OTOGL: variants seen among roughly 807,000 people sequenced by gnomAD.
The protein encoded by OTOGL is otogelin like.
In OTOGL, 285 loss-of-function variants were observed where a neutral mutation model predicts 318.5. That is an observed-to-expected ratio of 0.89 (90% CI 0.81 to 0.99). The LOEUF is 0.99. OTOGL is among the 50% of genes least tolerant of loss of function. The probability of loss-of-function intolerance (pLI) is 0.00; values close to 1 mark genes in which losing one functional copy is unlikely to be tolerated. For synonymous variants in OTOGL, 987 were observed against 936.5 expected, an observed-to-expected ratio of 1.05 and a Z score of -0.99; for missense variants, 2,899 against 2,845.6, an observed-to-expected ratio of 1.02 and a Z score of -0.43.
At chr12:80,149,772 G>A (rs1433355703) in intron 1 of OTOGL, among the ~76,000 whole-genome samples, 1 of 152,230 alleles carries the variant, frequency 6.6e-6, no homozygotes, top group Non-Finnish European at 1.5e-5. Flanking sequence ...ATCTTGTGGT[G>A]CACCGTTTTT....
intron 44 of OTOGL, among the ~76,000 whole-genome samples, chr12:80,342,482 A>G (rs145068538): frequency 6.6e-6 from 1 of 152,358 alleles, no homozygotes; most frequent in East Asian, 1.9e-4. Flanking sequence ...AGACCAAGAC[A>G]GTGAGGCTTT....
In OTOGL at chr12:80,374,837, A is replaced by G. The variant is rs376510837; in HGVS notation, c.6782-2286A>G. On this transcript the variant is annotated intron_variant, in intron 57 of 58. Transcript: ENST00000547103. ...GTGACTAATCATATGAATGACCACT[A>G]TGGCCTGCCACACACTGACACTCTA... Among the ~76,000 whole-genome samples, 10 of 152,244 alleles carry G rather than the reference A, an allele frequency of 6.6e-5. No homozygotes were observed. The East Asian group carries it at 1.7e-3, about 26-fold the overall frequency.
At chr12:80,183,097 C>A (rs1489072552) in intron 1 of OTOGL, among the ~76,000 whole-genome samples, 1 of 152,146 alleles carries the variant, frequency 6.6e-6, no homozygotes, top group East Asian at 1.9e-4. Flanking sequence ...ATAATGCTTA[C>A]AATACAATTG....
At chr12:80,288,030 TG>T (rs1211627563) in intron 26 of OTOGL, among the ~76,000 whole-genome samples, 1 of 152,182 alleles carries the variant, frequency 6.6e-6, no homozygotes, top group Admixed American at 6.5e-5. Context: ...TTGCAGTGGC[TG>T]GTACTTGTTT....
Position 80,268,434 on chromosome 12 carries a change from C to T in OTOGL, c.2465+1107C>T, listed in dbSNP as rs12810247. ...GGAGTTAGTCCCAGGCAACCTGGCT[C>T]GGCAGTGCTTGTCTCCTGCCTACTT... is the stretch of plus-strand genomic sequence containing the variant. On this transcript the variant is annotated intron_variant, in intron 22 of 58. Coordinates refer to ENST00000547103, the MANE Select transcript of OTOGL (RefSeq NM_001378609.3). 7.3e-3 allele frequency among the ~76,000 whole-genome samples: 1,109 copies of T among 152,194 alleles called. 15 individuals are homozygous for T. The highest frequency in any genetic ancestry group is 0.024 in the African/African-American group (981 of 41,526).
At chr12:80,201,058 C>A (rs540429725) in intron 1 of OTOGL, among the ~76,000 whole-genome samples, 27 of 152,236 alleles carry the variant, frequency 1.8e-4, no homozygotes, top group African/African-American at 6.5e-4. Flanking sequence ...ATGCCACAAC[C>A]CTGTGGCACC....
intron 1 of OTOGL, among the ~76,000 whole-genome samples, chr12:80,183,227 G>A (rs1875051406): frequency 6.6e-6 from 1 of 152,200 alleles, no homozygotes; most frequent in South Asian, 2.1e-4. Flanking sequence ...GGAGATGACA[G>A]TCCTACTGAG....
chr12:80,349,538 G>A (rs1037340), intron 44 of OTOGL, among the ~76,000 whole-genome samples: 141,240 of 152,094 alleles, frequency 0.93, 65,653 homozygotes, highest in East Asian at 1. Context: ...AGATAGAAAG[G>A]CAATGGAGCG....
chr12:80,313,779 A>C, intron 31 of OTOGL, 147 bp downstream of exon 31: 2 of 649,296 alleles, frequency 3.1e-6, no homozygotes, highest in Non-Finnish European at 4.7e-6. Flanking sequence ...TTTGACAATC[A>C]TAAATTATAG....
At chr12:80,376,312 G>A (rs1891175385) in intron 57 of OTOGL, among the ~76,000 whole-genome samples, 1 of 152,012 alleles carries the variant, frequency 6.6e-6, no homozygotes, top group African/African-American at 2.4e-5. Flanking sequence ...TTTAAAATTG[G>A]GATATAAGTT....
In OTOGL at chr12:80,256,435, T is replaced by G; in HGVS notation, c.1686T>G (p.Ser562Arg). ...TLGRGGQILT[S>R]PNQGFNLNGI... ...GTAGGGGAGGACAAATTCTCACTAG[T>G]CCTAACCAAGGCTTCAACCTGAATG... The change falls in exon 17 of 59, where the codon AGT (serine) becomes AGG (arginine). Residue 562 changes from serine (S) to arginine (R), a missense_variant. Around this residue, in one of 3 missense-constraint regions of OTOGL, gnomAD observed 2,607 missense variants for 2,524.9 expected, o/e 1.03. Transcript: ENST00000547103. The G allele has an allele frequency of 1.3e-6, 2 of 1,585,822 alleles. No individual in the cohort carries two copies. Among genetic ancestry groups the G allele is most frequent in the Non-Finnish European group, 8.5e-7 (1 of 1,172,586 alleles).
At chr12:80,346,754 G>T (rs1296276791) in intron 44 of OTOGL, among the ~76,000 whole-genome samples, 1 of 152,160 alleles carries the variant, frequency 6.6e-6, no homozygotes, top group African/African-American at 2.4e-5. Flanking sequence ...AGCAAGTGAG[G>T]ACAGCAGCAC....
In OTOGL at chr12:80,124,756, C is replaced by A. The variant is rs527851114; in HGVS notation, c.-20+25151C>A. On this transcript the variant is annotated intron_variant, in intron 1 of 58. Transcript: ENST00000547103. ...TTCTCCTTGAAGAGGTCCTTCACAT[C>A]CCTTGTAAGTTGGATTCCTAGGTAT... Among the ~76,000 whole-genome samples, 25 of 152,052 alleles carry A rather than the reference C, an allele frequency of 1.6e-4. No individual in the cohort carries two copies. The South Asian group carries it at 5.2e-3, about 32-fold the overall frequency.
At chr12:80,191,160 G>A (rs1258715261) in intron 1 of OTOGL, among the ~76,000 whole-genome samples, 4 of 152,208 alleles carry the variant, frequency 2.6e-5, no homozygotes, top group Non-Finnish European at 4.4e-5. Flanking sequence ...GATACTGGCT[G>A]GGAGCAGTGG....
intron 1 of OTOGL, among the ~76,000 whole-genome samples, chr12:80,151,268 A>G (rs1314399863): frequency 6.6e-6 from 1 of 152,340 alleles, no homozygotes; most frequent in South Asian, 2.1e-4. Flanking sequence ...TAAGAGGCAA[A>G]CTAAGATTTG....
At chr12:80,143,255 C>T (rs1029553839) in intron 1 of OTOGL, among the ~76,000 whole-genome samples, 7 of 152,230 alleles carry the variant, frequency 4.6e-5, no homozygotes, top group Admixed American at 3.3e-4. Context: ...AAAGTAGATG[C>T]ACCCTGTTAA....
chr12:80,217,648 T>G lies in OTOGL; in HGVS notation c.219T>G (p.Gly73=). The G allele has an allele frequency of 6.5e-7, 1 of 1,549,238 alleles. No individual in the cohort carries two copies. Among genetic ancestry groups the G allele is most frequent in the East Asian group, 2.3e-5 (1 of 44,152 alleles). The change falls in exon 5 of 59, where the codon GGT becomes GGG. Residue 73 remains glycine (G), a synonymous_variant. Transcript: ENST00000547103. ...TTTTCCATGATGCTATTAATTGGGG[T>G]GAGAGCAAAATAAAAGGTCAGTGTT... ...RYFFHDAINW[G]ESKIKGSCPY... is the part of the protein sequence containing the mutation.
rs1565932309 is a variant in OTOGL, at chr12:80,254,586, G to GT, written c.1441+21dup. 5.6e-6 allele frequency: 9 copies of GT among 1,593,500 alleles called. No homozygotes were observed. In the East Asian group the frequency reaches 6.7e-5, roughly 12 times the overall value. ...GACTGTCCAGGTAATTTTTTAAAAT[G>GT]TTTTTATAGAGAATGTTTCAAATTT... is the stretch of plus-strand genomic sequence containing the variant. On this transcript the variant is annotated intron_variant, in intron 15 of 58. Transcript: ENST00000547103.
chr12:80,356,060 G>T (rs1889881326), intron 47 of OTOGL, 112 bp downstream of exon 47: 1 of 1,220,582 alleles, frequency 8.2e-7, no homozygotes, highest in Non-Finnish European at 1.2e-6. Context: ...GGCCATAAAT[G>T]TCATTTTCTC....
Sources: gnomAD v4.1 joint callset for allele counts (sites outside exome capture counted in the v4.1 genomes callset) on GRCh38, gnomAD v4.1.1 for gene constraint, gnomAD v4.1.1 regional missense constraint, MANE v1.5 for transcripts, NCBI Gene and HGNC (gene_info 2026-07-23, HGNC 2026-07-21) for gene names.